AFAP1: variants seen among roughly 807,000 people sequenced by gnomAD.
AFAP1 encodes actin filament-associated protein 1.
Under a neutral mutation model 93.9 loss-of-function variants are expected in AFAP1, and 75 were observed. The ratio of observed to expected loss-of-function variants is 0.80; its 90% CI spans 0.66 to 0.97. The LOEUF (loss-of-function observed/expected upper bound fraction) is 0.97. Ranked by LOEUF, AFAP1 falls within the 50% of genes least tolerant of loss-of-function variation. The probability of loss-of-function intolerance (pLI) is 0.00; values close to 1 mark genes in which losing one functional copy is unlikely to be tolerated. For missense variants in AFAP1, 1,201 were observed against 1,050.8 expected, an observed-to-expected ratio of 1.14 and a Z score of -1.98; for synonymous variants, 517 against 430.7, an observed-to-expected ratio of 1.20 and a Z score of -2.48.
chr4:7,939,733 A>T lies in AFAP1; in HGVS notation c.-80T>A, dbSNP rs1420400155. On this transcript the variant is annotated 5_prime_UTR_variant, in exon 1 of 18. Transcript: ENST00000420658. This position sits in a 1 kb window ranked among gnomAD's most constrained non-coding sequence, Gnocchi z 5.6. ...TGGAGCGCAGCTGAACAGCCGACAG[A>T]GCCGCAGCCGCCTTAACAATGGAGC... 2 of 411,836 alleles carry T rather than the reference A, an allele frequency of 4.9e-6. No homozygotes were observed. The highest frequency in any genetic ancestry group is 9.6e-6 in the Non-Finnish European group (2 of 208,816). 25.5% of individuals were successfully genotyped at this position (411,836 alleles called of 1,614,324 possible).
At chr4:7,914,604 C>T (rs995224955) in intron 1 of AFAP1, among the ~76,000 whole-genome samples, 10 of 152,162 alleles carry the variant, frequency 6.6e-5, no homozygotes, top group African/African-American at 2.4e-4. Context: ...GCAGGTAACA[C>T]AGAGGTACAG....
intron 1 of AFAP1, among the ~76,000 whole-genome samples, chr4:7,912,701 C>T (rs1719805074): frequency 6.6e-6 from 1 of 152,150 alleles, no homozygotes; most frequent in African/African-American, 2.4e-5. Flanking sequence ...ATGTGGCTTG[C>T]AATTAGTTTC....
chr4:7,895,172 G>A (rs1254264679), intron 1 of AFAP1, among the ~76,000 whole-genome samples: 2 of 152,262 alleles, frequency 1.3e-5, no homozygotes, highest in African/African-American at 2.4e-5. Context: ...GACTTCGGTG[G>A]TGGAGGGTTG....
intron 4 of AFAP1, 58 bp downstream of exon 4, chr4:7,855,408 T>C: frequency 1.5e-6 from 2 of 1,338,188 alleles, no homozygotes; most frequent in Non-Finnish European, 2.1e-6. Context: ...GGGGACAGGC[T>C]CTGCAACAGT....
chr4:7,936,342 T>TTTTTTTTTTTTTTTTTTTTTG (rs1560245240), intron 1 of AFAP1, among the ~76,000 whole-genome samples: 2 of 152,026 alleles, frequency 1.3e-5, no homozygotes, highest in African/African-American at 4.8e-5. Flanking sequence ...TTTTATTTTT[T>TTTTTTTTTTTTTTTTTTTTTG]ACAGAAAGGG....
At chr4:7,916,632 C>CA (rs1156483573) in intron 1 of AFAP1, among the ~76,000 whole-genome samples, 1 of 152,186 alleles carries the variant, frequency 6.6e-6, no homozygotes, top group Non-Finnish European at 1.5e-5. Context: ...GAAGGGTGGG[C>CA]ATAGCACTGG....
At chr4:7,937,637 C>T in intron 1 of AFAP1, among the ~76,000 whole-genome samples, 1 of 152,156 alleles carries the variant, frequency 6.6e-6, no homozygotes, top group East Asian at 1.9e-4. Context: ...CAGGCACCCA[C>T]CACCATGCCC....
At chr4:7,796,404 T>C (rs965096944) in intron 10 of AFAP1, among the ~76,000 whole-genome samples, 6 of 152,150 alleles carry the variant, frequency 3.9e-5, no homozygotes, top group African/African-American at 1.2e-4. Flanking sequence ...AAATCTGTGA[T>C]AGTTTGACCA....
chr4:7,932,475 G>T (rs939036335), intron 1 of AFAP1, among the ~76,000 whole-genome samples: 1 of 152,104 alleles, frequency 6.6e-6, no homozygotes, highest in Non-Finnish European at 1.5e-5. Flanking sequence ...AAATGGACCT[G>T]GAATCATGTA....
intron 10 of AFAP1, chr4:7,799,162 G>T: frequency 1.1e-6 from 1 of 878,148 alleles, no homozygotes. Context: ...GGTCTGCACA[G>T]AGCTGAGACT....
intron 1 of AFAP1, among the ~76,000 whole-genome samples, chr4:7,881,801 A>G (rs1353102300): frequency 6.6e-6 from 1 of 151,474 alleles, no homozygotes; most frequent in Non-Finnish European, 1.5e-5. Context: ...AAGAAAAAGT[A>G]AAAGAAACCT....
At chr4:7,807,203 A>AAAAAACAAAAAC (rs10665624) in intron 9 of AFAP1, among the ~76,000 whole-genome samples, 36,622 of 152,054 alleles carry the variant, frequency 0.24, 6,294 homozygotes, top group African/African-American at 0.49. Context: ...CTGGAGCATT[A>AAAAAACAAAAAC]AAAAACAAAA....
chr4:7,869,503 C>T (rs1360549156), intron 2 of AFAP1, among the ~76,000 whole-genome samples: 6 of 152,186 alleles, frequency 3.9e-5, no homozygotes, highest in Non-Finnish European at 7.3e-5. Context: ...ATGACTGATA[C>T]AAGCTCACAT....
chr4:7,871,546 C>T (rs573738708), intron 2 of AFAP1, among the ~76,000 whole-genome samples: 1 of 152,320 alleles, frequency 6.6e-6, no homozygotes, highest in South Asian at 2.1e-4. Flanking sequence ...ACAGAGCACA[C>T]AGACGCTGGC....
intron 7 of AFAP1, among the ~76,000 whole-genome samples, chr4:7,816,663 G>T (rs111408584): frequency 2.0e-5 from 3 of 152,142 alleles, no homozygotes; most frequent in Non-Finnish European, 4.4e-5. Flanking sequence ...AGGATTCCAC[G>T]TCAGTATCTG....
Position 7,939,611 on chromosome 4 carries a change from C to T in AFAP1, c.-3+45G>A, listed in dbSNP as rs1295356055. 4.9e-6 allele frequency: 2 copies of T among 411,724 alleles called. No individual in the cohort carries two copies. The highest frequency in any genetic ancestry group is 5.4e-5 in the Admixed American group (2 of 37,060). 25.5% of individuals were successfully genotyped at this position (411,724 alleles called of 1,614,324 possible). The stretch of plus-strand genomic sequence containing the variant: ...GGAGCTTCCACGCCCGGGGCAGAGA[C>T]CCCCGCCGGGTCCGGAGACCCTGCC... On this transcript the variant is annotated intron_variant, in intron 1 of 17. Transcript: ENST00000420658. This position sits in a 1 kb window ranked among gnomAD's most constrained non-coding sequence, Gnocchi z 5.6.
rs1380822591 is a variant in AFAP1 at position 7,789,522 on chromosome 4, G to A, written c.1413-3211C>T. ...CCATCCGTGCATCTCCCCATGCTCCGCACAAGCCCCTGCTTTCCATCCTTT... is the reference window on the plus strand; with the variant it reads ...CCATCCGTGCATCTCCCCATGCTCCACACAAGCCCCTGCTTTCCATCCTTT... On this transcript the variant is annotated intron_variant, in intron 11 of 17. Transcript: ENST00000420658. Among the ~76,000 whole-genome samples, 5 of 123,330 alleles carry A rather than the reference G, an allele frequency of 4.1e-5. No homozygotes were observed. The East Asian group carries it at 9.0e-4, about 22-fold the overall frequency. The allele number at this position is 123,330 out of a possible 152,430, so 80.9% of individuals were successfully genotyped here.
chr4:7,800,173 G>C (rs374765936), intron 10 of AFAP1, among the ~76,000 whole-genome samples: 3 of 152,224 alleles, frequency 2.0e-5, no homozygotes, highest in East Asian at 3.9e-4. Context: ...GAGGAACTCA[G>C]ACAAGGAGGC....
chr4:7,787,190 G>C (rs1717377759), intron 11 of AFAP1, among the ~76,000 whole-genome samples: 1 of 152,242 alleles, frequency 6.6e-6, no homozygotes. Flanking sequence ...AACCCAAGAG[G>C]ATGGGGTTCC....
Sources: allele counts gnomAD v4.1 joint callset (sites outside exome capture counted in the v4.1 genomes callset), GRCh38; gene constraint gnomAD v4.1.1; non-coding constraint Gnocchi (gnomAD v3.1); transcripts MANE v1.5; gene names NCBI Gene and HGNC (gene_info 2026-07-23, HGNC 2026-07-21).